Variants in GPR158 observed in about 807,000 individuals in gnomAD.
GPR158 encodes G protein-coupled receptor 158.
GPR158 carries 30 observed loss-of-function variants against 78.2 expected under a neutral mutation model. That is an observed-to-expected ratio of 0.38 (90% CI 0.29 to 0.52). GPR158 has a LOEUF of 0.52. Ranked by LOEUF, GPR158 falls within the 20% of genes least tolerant of loss-of-function variation. The pLI, the probability that GPR158 is intolerant of heterozygous loss-of-function variation, is 0.83. For missense variants in GPR158, 1,463 were observed against 1,523.5 expected, an observed-to-expected ratio of 0.96 and a Z score of 0.66; for synonymous variants, 581 against 591.1, an observed-to-expected ratio of 0.98 and a Z score of 0.25.
intron 9 of GPR158, among the ~76,000 whole-genome samples, chr10:25,595,126 G>A (rs942213297): frequency 1.3e-5 from 2 of 151,970 alleles, no homozygotes; most frequent in African/African-American, 4.8e-5. Flanking sequence ...TATCTTTTCA[G>A]TGCCACAAAA....
intron 2 of GPR158, among the ~76,000 whole-genome samples, chr10:25,282,024 A>G (rs562347044): frequency 1.3e-5 from 2 of 152,224 alleles, no homozygotes; most frequent in Non-Finnish European, 2.9e-5. Context: ...CATACCTATT[A>G]GTTTTGATGA....
chr10:25,343,019 A>G (rs1855325394), intron 2 of GPR158, among the ~76,000 whole-genome samples: 4 of 151,972 alleles, frequency 2.6e-5, no homozygotes, highest in Admixed American at 1.3e-4. Flanking sequence ...TAAAATATCA[A>G]TGAAAGTCTC....
intron 1 of GPR158, among the ~76,000 whole-genome samples, chr10:25,195,469 G>C (rs921094727): frequency 2.0e-5 from 3 of 152,156 alleles, no homozygotes; most frequent in African/African-American, 4.8e-5. Context: ...GCTTCCCAAA[G>C]TGCTGGGATT....
intron 2 of GPR158, among the ~76,000 whole-genome samples, chr10:25,384,964 A>G (rs149153647): frequency 1.6e-3 from 238 of 152,270 alleles, no homozygotes; most frequent in African/African-American, 5.5e-3. Flanking sequence ...TAAAAATTTA[A>G]TTGTGGTAAA....
At chr10:25,265,836 C>G (rs978814283) in intron 2 of GPR158, among the ~76,000 whole-genome samples, 2 of 152,168 alleles carry the variant, frequency 1.3e-5, no homozygotes, top group Non-Finnish European at 2.9e-5. Flanking sequence ...TGCTCCTGAT[C>G]TTTTGTTTTT....
Position 25,382,165 on chromosome 10 carries a change from A to G in GPR158, c.1009-13746A>G, listed in dbSNP as rs12220000. Among the ~76,000 whole-genome samples the G allele has an allele frequency of 1.8e-4, 28 of 152,354 alleles. No individual in the cohort carries two copies. The East Asian group carries it at 4.8e-3, about 26-fold the overall frequency. ...TTATCTGAAAGTGTCGAACATACAA[A>G]GAATTTACGTTTGTCAAGCCTTTGG... On this transcript the variant is annotated intron_variant, in intron 2 of 10. Coordinates refer to ENST00000376351, the MANE Select transcript of GPR158 (RefSeq NM_020752.3).
chr10:25,355,582 G>A (rs376026939), intron 2 of GPR158, among the ~76,000 whole-genome samples: 44 of 152,160 alleles, frequency 2.9e-4, no homozygotes, highest in South Asian at 2.3e-3. Flanking sequence ...GTGGATGTAC[G>A]TCTGTGACTT....
rs373200807 is a variant in GPR158 at position 25,460,652 on chromosome 10, GAAAC to G, written c.1336-5985_1336-5982del. Among the ~76,000 whole-genome samples, 132 of 152,058 alleles carry G rather than the reference GAAAC, an allele frequency of 8.7e-4. 2 individuals are homozygous for G. In the South Asian group the frequency reaches 0.023, roughly 26 times the overall value. ...ATCCCCAAATCTACCCTTTTCTCTGGAAACAAACAAACAAACATTGTTATCAACT... is the reference window on the plus strand; with the variant it reads ...ATCCCCAAATCTACCCTTTTCTCTGGAAACAAACAAACATTGTTATCAACT... On this transcript the variant is annotated intron_variant, in intron 4 of 10. Transcript: ENST00000376351.
At chr10:25,416,488 C>T (rs1834662053) in intron 4 of GPR158, among the ~76,000 whole-genome samples, 1 of 152,080 alleles carries the variant, frequency 6.6e-6, no homozygotes, top group Non-Finnish European at 1.5e-5. Flanking sequence ...GTTTAAGCTT[C>T]CATCCCCATC....
At position 25,594,374 on chromosome 10, in the gene GPR158, A is replaced by G; in HGVS notation, c.1975A>G (p.Ile659Val). Residue 659 changes from isoleucine to valine, a missense_variant, in exon 9 of 11, where the codon ATT (isoleucine) becomes GTT (valine). Ile to Val is a conservative substitution (Grantham distance 29, BLOSUM62 3). Coordinates refer to ENST00000376351, the MANE Select transcript of GPR158 (RefSeq NM_020752.3). ...AHTHLTVTVT[I>V]GLLLIPKFSH... ...TACTCATTTGACTGTGACAGTCACCATTGGGTTGCTTTTGATTCCAAAGGT... is the reference window on the plus strand; with the variant it reads ...TACTCATTTGACTGTGACAGTCACCGTTGGGTTGCTTTTGATTCCAAAGGT... 6.4e-7 allele frequency: 1 copy of G among 1,550,756 alleles called. No individual in the cohort carries two copies. The highest frequency in any genetic ancestry group is 8.9e-7 in the Non-Finnish European group (1 of 1,127,340).
At chr10:25,299,593 T>C (rs960493292) in intron 2 of GPR158, among the ~76,000 whole-genome samples, 2 of 152,208 alleles carry the variant, frequency 1.3e-5, no homozygotes, top group South Asian at 4.1e-4. Flanking sequence ...GGCTGGATAG[T>C]AATCCATTTT....
chr10:25,559,751 A>G (rs72788293), intron 6 of GPR158, among the ~76,000 whole-genome samples: 1,652 of 152,338 alleles, frequency 0.011, 18 homozygotes, highest in Non-Finnish European at 0.017. Context: ...GTTTATAACT[A>G]GTGCTATTTA....
intron 2 of GPR158, among the ~76,000 whole-genome samples, chr10:25,253,516 TGGAA>T (rs1423581427): frequency 3.9e-5 from 6 of 152,156 alleles, no homozygotes; most frequent in Admixed American, 6.5e-5. Flanking sequence ...ACTTTGAGAT[TGGAA>T]GGAATAGTTG....
At chr10:25,583,225 C>A (rs760826189) in intron 7 of GPR158, among the ~76,000 whole-genome samples, 1 of 152,130 alleles carries the variant, frequency 6.6e-6, no homozygotes, top group Non-Finnish European at 1.5e-5. Context: ...TCTTCTGTAT[C>A]CTTCTCTATC....
intron 2 of GPR158, among the ~76,000 whole-genome samples, chr10:25,339,000 G>GTTTCTTTC (rs1156302171): frequency 6.7e-6 from 1 of 148,818 alleles, no homozygotes; most frequent in African/African-American, 2.5e-5. Flanking sequence ...TCTAAGTTAG[G>GTTTCTTTC]TTTCTTTCTT....
At chr10:25,438,591 A>G (rs1291643557) in intron 4 of GPR158, among the ~76,000 whole-genome samples, 1 of 152,244 alleles carries the variant, frequency 6.6e-6, no homozygotes, top group East Asian at 1.9e-4. Flanking sequence ...ATCTTCAGTT[A>G]CAAATGGAAA....
chr10:25,443,881 A>G (rs1233900419), intron 4 of GPR158, among the ~76,000 whole-genome samples: 1 of 151,968 alleles, frequency 6.6e-6, no homozygotes, highest in Non-Finnish European at 1.5e-5. Flanking sequence ...CTCTCAATGA[A>G]GCCCCTTCTA....
chr10:25,574,086 A>ATACAAGG (rs1564494235), intron 7 of GPR158, among the ~76,000 whole-genome samples: 1 of 150,702 alleles, frequency 6.6e-6, no homozygotes, highest in African/African-American at 2.4e-5. Flanking sequence ...CCAGATAGGA[A>ATACAAGG]AAATCATTTC....
At chr10:25,312,109 T>C (rs1311023132) in intron 2 of GPR158, among the ~76,000 whole-genome samples, 3 of 152,012 alleles carry the variant, frequency 2.0e-5, no homozygotes, top group African/African-American at 7.2e-5. Context: ...AAGTTGTGGA[T>C]ATTTTCCTTT....
Sources: gnomAD v4.1 joint callset for allele counts (sites outside exome capture counted in the v4.1 genomes callset) on GRCh38, gnomAD v4.1.1 for gene constraint, MANE v1.5 for transcripts, NCBI Gene and HGNC (gene_info 2026-07-23, HGNC 2026-07-21) for gene names.